The following AKAP13 variants were observed in gnomAD, a reference collection of about 807,000 sequenced individuals.
AKAP13 encodes A-kinase anchor protein 13.
Under a neutral mutation model 264.5 loss-of-function variants are expected in AKAP13, and 80 were observed. The observed-to-expected ratio is 0.30, with a 90% CI of 0.25 to 0.36. The LOEUF is 0.36. AKAP13 is among the 10% of genes least tolerant of loss of function. The pLI is 1.00. For missense variants in AKAP13, 3,712 were observed against 3,435.2 expected, an observed-to-expected ratio of 1.08 and a Z score of -2.01; for synonymous variants, 1,380 against 1,250.2, an observed-to-expected ratio of 1.10 and a Z score of -2.19.
chr15:85,582,042 G>C lies in AKAP13; in HGVS notation c.3974G>C (p.Cys1325Ser). The change falls in exon 7 of 37, where the codon TGT becomes TCT. Residue 1325 changes from cysteine (C) to serine (S), a missense_variant. Around this residue, in one of 3 missense-constraint regions of AKAP13, gnomAD observed 2,759 missense variants for 2,411.7 expected, o/e 1.14. Transcript: ENST00000394518. ...GAAGCCACGGGGAGCCTTGCAGGAT[G>C]TTTTGCTGGAAGGGAGGAGCCAGAG... Reference protein sequence around the residue: ...PEEATGSLAGCFAGREEPEKI... With the variant: ...PEEATGSLAGSFAGREEPEKI... 1.2e-6 allele frequency: 2 copies of C among 1,613,970 alleles called. No individual in the cohort carries two copies. The highest frequency in any genetic ancestry group is 1.7e-6 in the Non-Finnish European group (2 of 1,179,948).
intron 1 of AKAP13, among the ~76,000 whole-genome samples, chr15:85,401,074 C>G (rs2071400435): frequency 6.6e-6 from 1 of 151,850 alleles, no homozygotes; most frequent in African/African-American, 2.4e-5. Context: ...GTTCGTCAAG[C>G]TGATCTCAAA....
chr15:85,573,336 AG>A (rs2151294549), intron 5 of AKAP13, among the ~76,000 whole-genome samples: 1 of 152,270 alleles, frequency 6.6e-6, no homozygotes, highest in East Asian at 1.9e-4. Context: ...TGAGGTCAGG[AG>A]TTCGAGATCA....
chr15:85,400,948 G>T (rs1204264668), intron 1 of AKAP13, among the ~76,000 whole-genome samples: 3 of 151,192 alleles, frequency 2.0e-5, no homozygotes, highest in Non-Finnish European at 4.4e-5. Context: ...TGCAACCTCC[G>T]CCTCCCGGAT....
chr15:85,722,127 GAA>G lies in AKAP13; in HGVS notation c.6378+13_6378+14del, dbSNP rs1746616298. On this transcript the variant is annotated intron_variant, in intron 24 of 36. Coordinates refer to ENST00000394518, the MANE Select transcript of AKAP13 (RefSeq NM_007200.5). The stretch of plus-strand genomic sequence containing the variant: ...CAAGCCTTTGTAAAGGTATTGATAA[GAA>G]ACATGAAAATCCCCGTTATTGTTGA... 1 of 1,613,268 alleles carries G rather than the reference GAA, an allele frequency of 6.2e-7. No homozygotes were observed. The highest frequency in any genetic ancestry group is 8.5e-7 in the Non-Finnish European group (1 of 1,179,628).
chr15:85,387,085 T>A (rs1323121263), intron 1 of AKAP13, among the ~76,000 whole-genome samples: 1 of 152,008 alleles, frequency 6.6e-6, no homozygotes, highest in Non-Finnish European at 1.5e-5. Flanking sequence ...CCTGTAATCC[T>A]AGCACTTTGG....
intron 23 of AKAP13, among the ~76,000 whole-genome samples, chr15:85,721,006 A>T (rs944350430): frequency 6.6e-6 from 1 of 152,204 alleles, no homozygotes; most frequent in Non-Finnish European, 1.5e-5. Flanking sequence ...TTTCCTCCTG[A>T]AACATCCCCT....
In AKAP13 at chr15:85,684,854, C is replaced by G. The variant is rs2084803785; in HGVS notation, c.5270C>G (p.Ser1757Cys). 6.2e-7 allele frequency: 1 copy of G among 1,613,892 alleles called. No individual in the cohort carries two copies. The highest frequency in any genetic ancestry group is 8.5e-7 in the Non-Finnish European group (1 of 1,179,970). ...TTCAGCTACATCAAGAATAAAATGT[C>G]TAGCAGCAAGAAGAGCAAAGTGAGT... is the stretch of plus-strand genomic sequence containing the variant. The part of the protein sequence containing the change: ...RTFSYIKNKM[S>C]SSKKSKEKEK... The change falls in exon 16 of 37, where the codon TCT (serine) becomes TGT (cysteine). Residue 1757 changes from serine (S) to cysteine (C), a missense_variant. Ser to Cys is a moderately radical substitution (Grantham distance 112, BLOSUM62 -1). Transcript: ENST00000394518.
intron 1 of AKAP13, among the ~76,000 whole-genome samples, chr15:85,484,066 T>G (rs1393966925): frequency 5.3e-5 from 8 of 152,068 alleles, no homozygotes; most frequent in Non-Finnish European, 5.9e-5. Context: ...TTAGTTAAGG[T>G]AGATTGGTCC....
At chr15:85,562,696 T>TTTC (rs1287289801) in intron 5 of AKAP13, among the ~76,000 whole-genome samples, 2 of 55,740 alleles carry the variant, frequency 3.6e-5, no homozygotes, top group Non-Finnish European at 7.7e-5. Context: ...CTTTTCTTTT[T>TTTC]TTTTTTTTTT....
chr15:85,636,010 A>C (rs746817818), intron 8 of AKAP13, among the ~76,000 whole-genome samples: 6 of 152,168 alleles, frequency 3.9e-5, no homozygotes, highest in African/African-American at 7.2e-5. Context: ...GATCAATTTG[A>C]GGACAATTAA....
At chr15:85,576,157 G>C (rs1167972716) in intron 6 of AKAP13, among the ~76,000 whole-genome samples, 2 of 152,068 alleles carry the variant, frequency 1.3e-5, no homozygotes. Flanking sequence ...CACATTTCAG[G>C]TACAGAAATA....
chr15:85,527,836 A>G (rs1038184198), intron 3 of AKAP13, among the ~76,000 whole-genome samples: 3 of 152,248 alleles, frequency 2.0e-5, no homozygotes, highest in Non-Finnish European at 4.4e-5. Context: ...TAGACACTTC[A>G]TAAGGAAGAA....
chr15:85,509,108 G>C (rs1179945563), intron 2 of AKAP13, among the ~76,000 whole-genome samples: 1 of 152,146 alleles, frequency 6.6e-6, no homozygotes, highest in East Asian at 1.9e-4. Flanking sequence ...TTGAGGCCTA[G>C]TTCTTAACAG....
chr15:85,473,194 T>C (rs1034129986), intron 1 of AKAP13, among the ~76,000 whole-genome samples: 2 of 152,128 alleles, frequency 1.3e-5, no homozygotes, highest in African/African-American at 4.8e-5. Context: ...GATTTCAAGG[T>C]ACGGGGTCCT....
rs139518236 is a variant in AKAP13 at position 85,544,419 on chromosome 15, A to G, written c.662+464A>G. 5.1e-3 allele frequency among the ~76,000 whole-genome samples: 781 copies of G among 152,308 alleles called. 5 individuals are homozygous for G. The highest frequency in any genetic ancestry group is 0.018 in the African/African-American group (756 of 41,566). On this transcript the variant is annotated intron_variant, in intron 5 of 36. Coordinates refer to ENST00000394518, the MANE Select transcript of AKAP13 (RefSeq NM_007200.5). ...TTGCATACAGAAAATATTGTAAACA[A>G]TTAAGTTTTGGATTGAATGTAATTT... is the stretch of plus-strand genomic sequence containing the variant.
At chr15:85,547,707 T>G (rs1472516813) in intron 5 of AKAP13, among the ~76,000 whole-genome samples, 1 of 152,244 alleles carries the variant, frequency 6.6e-6, no homozygotes, top group Non-Finnish European at 1.5e-5. Context: ...AAAATTCATC[T>G]TAAATACATT....
intron 1 of AKAP13, among the ~76,000 whole-genome samples, chr15:85,398,479 G>A (rs1487291369): frequency 1.3e-5 from 2 of 152,140 alleles, no homozygotes; most frequent in South Asian, 2.1e-4. Context: ...ATGTGGACTA[G>A]CCATATGTGG....
intron 1 of AKAP13, among the ~76,000 whole-genome samples, chr15:85,432,308 A>G (rs1275902899): frequency 2.0e-5 from 3 of 151,646 alleles, no homozygotes; most frequent in Non-Finnish European, 4.4e-5. Context: ...TTTATTTTGG[A>G]TTATCTTTTT....
chr15:85,616,444 C>T (rs1050925916), intron 8 of AKAP13, among the ~76,000 whole-genome samples: 1 of 151,926 alleles, frequency 6.6e-6, no homozygotes, highest in Non-Finnish European at 1.5e-5. Context: ...GCATGTTGGC[C>T]CTGTGGCATG....
Sources: gnomAD v4.1 joint callset for allele counts (sites outside exome capture counted in the v4.1 genomes callset) on GRCh38, gnomAD v4.1.1 for gene constraint, gnomAD v4.1.1 regional missense constraint, MANE v1.5 for transcripts, NCBI Gene and HGNC (gene_info 2026-07-23, HGNC 2026-07-21) for gene names.